The following TOP1 variants were observed in gnomAD, a reference collection of about 807,000 sequenced individuals.
TOP1 encodes DNA topoisomerase 1.
A neutral mutation model predicts 111.1 loss-of-function variants in TOP1; 10 were observed. The observed-to-expected ratio is 0.09, with a 90% CI of 0.06 to 0.15. The LOEUF (loss-of-function observed/expected upper bound fraction) is 0.15. Among genes scored for constraint, TOP1 ranks in the 10% least tolerant of loss-of-function variants. The pLI is 1.00. For missense variants in TOP1, 474 were observed against 926.7 expected, an observed-to-expected ratio of 0.51 and a Z score of 6.34; for synonymous variants, 271 against 302.9, an observed-to-expected ratio of 0.89 and a Z score of 1.10.
At chr20:41,064,937 C>T (rs1018331067) in intron 3 of TOP1, among the ~76,000 whole-genome samples, 1 of 152,024 alleles carries the variant, frequency 6.6e-6, no homozygotes, top group Non-Finnish European at 1.5e-5. Context: ...CGGAGTCTTA[C>T]TCTGTTGCCC....
At chr20:41,042,112 G>A (rs1426053434) in intron 2 of TOP1, among the ~76,000 whole-genome samples, 1 of 152,282 alleles carries the variant, frequency 6.6e-6, no homozygotes, top group South Asian at 2.1e-4. Context: ...GTTTTGCCAT[G>A]TTGGCCACGA....
chr20:41,105,594 T>C (rs2145957230), intron 13 of TOP1, among the ~76,000 whole-genome samples: 1 of 152,318 alleles, frequency 6.6e-6, no homozygotes, highest in South Asian at 2.1e-4. Context: ...GCCTCCCGGA[T>C]TCAAGTGGTT....
rs115913042 is a variant in TOP1, at chr20:41,043,147, G to T, written c.58+13692G>T. Among the ~76,000 whole-genome samples the T allele has an allele frequency of 1.7e-3, 264 of 152,316 alleles. 2 individuals are homozygous for T. The highest frequency in any genetic ancestry group is 6.0e-3 in the African/African-American group (250 of 41,558). Reference sequence around the variant, plus strand: ...ACTTGTTGGACATGCAGATTCTCGGGCCTCACCCATACCTACTGACTCTTA... The same window carrying T: ...ACTTGTTGGACATGCAGATTCTCGGTCCTCACCCATACCTACTGACTCTTA... On this transcript the variant is annotated intron_variant, in intron 2 of 20. Transcript: ENST00000361337.
intron 2 of TOP1, among the ~76,000 whole-genome samples, chr20:41,031,529 T>C (rs2033119645): frequency 6.6e-6 from 1 of 152,266 alleles, no homozygotes; most frequent in Non-Finnish European, 1.5e-5. Context: ...ACTTTTAGAA[T>C]GTGTTGGCTC....
At chr20:41,104,722 A>G (rs2034118790) in intron 13 of TOP1, among the ~76,000 whole-genome samples, 1 of 152,226 alleles carries the variant, frequency 6.6e-6, no homozygotes, top group Non-Finnish European at 1.5e-5. Context: ...AATAGGAGTC[A>G]TTAAAGGCCT....
Position 41,119,520 on chromosome 20 carries a change from C to G in TOP1, c.1950+1224C>G, listed in dbSNP as rs199992401. The stretch of plus-strand genomic sequence containing the variant: ...ATTGAAATTATAGATTTTTTCTCAT[C>G]CAAGTTCATGGAATTCTATACTTGT... On this transcript the variant is annotated intron_variant, in intron 18 of 20. Coordinates refer to ENST00000361337, the MANE Select transcript of TOP1 (RefSeq NM_003286.4). Among the ~76,000 whole-genome samples the G allele has an allele frequency of 4.6e-5, 7 of 152,192 alleles. No homozygotes were observed. The East Asian group carries it at 1.3e-3, about 29-fold the overall frequency.
intron 4 of TOP1, among the ~76,000 whole-genome samples, chr20:41,076,741 T>TA (rs985407428): frequency 6.6e-6 from 1 of 152,190 alleles, no homozygotes; most frequent in Non-Finnish European, 1.5e-5. Context: ...TGTATAGTTT[T>TA]AAAAAGAGAT....
intron 3 of TOP1, among the ~76,000 whole-genome samples, chr20:41,065,983 C>A (rs1489008608): frequency 6.6e-6 from 1 of 152,006 alleles, no homozygotes; most frequent in Admixed American, 6.6e-5. Context: ...AATTAGATAA[C>A]CTTTGACCGT....
At chr20:41,068,420 T>G (rs1248428954) in intron 3 of TOP1, among the ~76,000 whole-genome samples, 1 of 152,200 alleles carries the variant, frequency 6.6e-6, no homozygotes, top group Non-Finnish European at 1.5e-5. Flanking sequence ...TTTTTCTTTT[T>G]TTTTGGAGTC....
intron 2 of TOP1, among the ~76,000 whole-genome samples, chr20:41,048,787 T>A (rs2033365709): frequency 6.6e-6 from 1 of 152,232 alleles, no homozygotes; most frequent in Non-Finnish European, 1.5e-5. Flanking sequence ...AAGTCTGAAT[T>A]ATTTTTTTGA....
rs756749817 is a variant in TOP1, at chr20:41,121,738, C to G, written c.1993C>G (p.Leu665Val). ...ACAGCTAGCAGATGCCCGGAGAGAC[C>G]TGAAAAGTGCTAAGGCTGATGCCAA... ...KEQLADARRDLKSAKADAKVM... is the reference protein window; with the variant it reads ...KEQLADARRDVKSAKADAKVM... The change falls in exon 19 of 21, where the codon CTG (leucine) becomes GTG (valine). Residue 665 changes from leucine to valine, a missense_variant. By Grantham distance (32) the Leu-to-Val change is conservative. Transcript: ENST00000361337. This position sits in a 1 kb window ranked among gnomAD's most constrained non-coding sequence, Gnocchi z 4.2. 1.9e-6 allele frequency: 3 copies of G among 1,614,156 alleles called. No individual in the cohort carries two copies. The highest frequency in any genetic ancestry group is 2.5e-6 in the Non-Finnish European group (3 of 1,180,010).
rs2033107191 is a variant in TOP1, at chr20:41,030,593, C to T, written c.58+1138C>T. 6.6e-6 allele frequency among the ~76,000 whole-genome samples: 1 copy of T among 152,100 alleles called. No individual in the cohort carries two copies. The stretch of plus-strand genomic sequence containing the variant: ...GGGAAGAGTCCTCCAATAAAAAGCT[C>T]ATCCTTGCAGGCTTTCGAACAACCC... On this transcript the variant is annotated intron_variant, in intron 2 of 20. Coordinates refer to ENST00000361337, the MANE Select transcript of TOP1 (RefSeq NM_003286.4). This position sits in a 1 kb window ranked among gnomAD's most constrained non-coding sequence, Gnocchi z 4.1.
intron 2 of TOP1, among the ~76,000 whole-genome samples, chr20:41,048,632 T>C (rs950838511): frequency 2.6e-5 from 4 of 152,364 alleles, no homozygotes; most frequent in African/African-American, 4.8e-5. Flanking sequence ...GACTTTTAAA[T>C]CTGTCACTTA....
intron 9 of TOP1, among the ~76,000 whole-genome samples, chr20:41,093,568 TCCA>T (rs2033945992): frequency 6.6e-6 from 1 of 152,092 alleles, no homozygotes; most frequent in African/African-American, 2.4e-5. Context: ...ACCCCATTTC[TCCA>T]CCATTTTTCC....
At chr20:41,111,027 T>TG (rs2034229758) in intron 13 of TOP1, among the ~76,000 whole-genome samples, 2 of 152,278 alleles carry the variant, frequency 1.3e-5, no homozygotes, top group African/African-American at 4.8e-5. Flanking sequence ...GTGAATGACG[T>TG]GCGGGTTGGG....
At chr20:41,075,588 G>A (rs1342074021) in intron 3 of TOP1, among the ~76,000 whole-genome samples, 3 of 152,136 alleles carry the variant, frequency 2.0e-5, no homozygotes, top group Admixed American at 6.5e-5. Context: ...GTCATATTTT[G>A]CTTTTTAACC....
chr20:41,119,681 T>G (rs543830239), intron 18 of TOP1, among the ~76,000 whole-genome samples: 1 of 152,352 alleles, frequency 6.6e-6, no homozygotes, highest in Admixed American at 6.5e-5. Flanking sequence ...ACACAACTTA[T>G]AATTTATGCT....
chr20:41,124,096 C>A lies in TOP1; in HGVS notation c.*799C>A, dbSNP rs755493286. ...AACCATTTTCCCATCATCCTTTGTTCTGAGCATTCGCTGTACCCTTTAAGA... is the reference window on the plus strand; with the variant it reads ...AACCATTTTCCCATCATCCTTTGTTATGAGCATTCGCTGTACCCTTTAAGA... On this transcript the variant is annotated 3_prime_UTR_variant, in exon 21 of 21. Transcript: ENST00000361337. This position sits in a 1 kb window ranked among gnomAD's most constrained non-coding sequence, Gnocchi z 5.4. The A allele has an allele frequency of 6.2e-4, 145 of 233,124 alleles. No individual in the cohort carries two copies. Among genetic ancestry groups the A allele is most frequent in the Non-Finnish European group, 1.1e-3 (125 of 117,778 alleles). The allele number at this position is 233,124 out of a possible 1,614,324, so 14.4% of individuals were successfully genotyped here.
At chr20:41,096,184 A>G (rs1369446533) in intron 9 of TOP1, among the ~76,000 whole-genome samples, 1 of 152,208 alleles carries the variant, frequency 6.6e-6, no homozygotes, top group Non-Finnish European at 1.5e-5. Flanking sequence ...CTCATGCCTC[A>G]GCCTCCTGAG....
Sources: gnomAD v4.1 joint callset for allele counts (sites outside exome capture counted in the v4.1 genomes callset) on GRCh38, gnomAD v4.1.1 for gene constraint, Gnocchi (gnomAD v3.1) non-coding constraint, MANE v1.5 for transcripts, NCBI Gene and HGNC (gene_info 2026-07-23, HGNC 2026-07-21) for gene names.